The following ADAMTS16 variants were observed in gnomAD, a reference collection of about 807,000 sequenced individuals.
ADAMTS16 encodes the protein ADAM metallopeptidase with thrombospondin type 1 motif 16.
Under a neutral mutation model 145.8 loss-of-function variants are expected in ADAMTS16, and 94 were observed. That is an observed-to-expected ratio of 0.64 (90% CI 0.55 to 0.77). The LOEUF is 0.77. Ranked by LOEUF, ADAMTS16 falls within the 30% of genes least tolerant of loss-of-function variation. The pLI is 0.00. For missense variants in ADAMTS16, 1,585 were observed against 1,591.5 expected (o/e 1.00, Z 0.07); for synonymous variants, 659 against 604.3 (o/e 1.09, Z -1.33).
At chr5:5,157,297 T>C (rs1347410888) in intron 3 of ADAMTS16, among the ~76,000 whole-genome samples, 1 of 152,118 alleles carries the variant, frequency 6.6e-6, no homozygotes, top group Admixed American at 6.5e-5. Context: ...TGAATTTCTA[T>C]TTTTTCTTCA....
intron 13 of ADAMTS16, among the ~76,000 whole-genome samples, chr5:5,236,076 G>A (rs571771073): frequency 6.6e-6 from 1 of 152,238 alleles, no homozygotes; most frequent in South Asian, 2.1e-4. Context: ...TTGAAACCGT[G>A]GTTCAAAAAT....
At chr5:5,188,128 C>T (rs374900106) in intron 6 of ADAMTS16, among the ~76,000 whole-genome samples, 4 of 152,156 alleles carry the variant, frequency 2.6e-5, no homozygotes, top group African/African-American at 9.7e-5. Flanking sequence ...TCTTAGCCAT[C>T]GTGAGCTTTC....
chr5:5,186,301 G>GGTGTGTGTGTGTGTGTGT, intron 5 of ADAMTS16, 50 bp downstream of exon 5: 1 of 986,976 alleles, frequency 1.0e-6, no homozygotes, highest in African/African-American at 1.7e-5. Context: ...CACTTCGTAG[G>GGTGTGTGTGTGTGTGTGT]GTGTGTGTGT....
At chr5:5,180,759 T>C (rs1427392890) in intron 3 of ADAMTS16, among the ~76,000 whole-genome samples, 2 of 152,250 alleles carry the variant, frequency 1.3e-5, no homozygotes, top group African/African-American at 2.4e-5. Context: ...GATTTTGTTC[T>C]AATCCTTACA....
intron 11 of ADAMTS16, among the ~76,000 whole-genome samples, chr5:5,229,070 G>A (rs555289702): frequency 2.0e-5 from 3 of 151,536 alleles, no homozygotes; most frequent in Non-Finnish European, 2.9e-5. Context: ...AGGCCGAGGC[G>A]GGTGGATCAC....
chr5:5,145,248 T>C (rs1560921808), intron 2 of ADAMTS16, among the ~76,000 whole-genome samples: 1 of 152,232 alleles, frequency 6.6e-6, no homozygotes, highest in Non-Finnish European at 1.5e-5. Flanking sequence ...TTAAAATACA[T>C]ACATTTACAG....
In ADAMTS16 at chr5:5,140,724, C is replaced by T; in HGVS notation, c.133C>T (p.Pro45Ser). ...GCCTGGGAGCCCGAGCGTCCCGCGT[C>T]CTCCTCCACCCGCGGAGCGGCCGGG... ...AAPGSPSVPR[P>S]PPPAERPGWM... The change falls in exon 2 of 23, where the codon CCT becomes TCT. Residue 45 changes from proline (P) to serine (S), a missense_variant. Pro to Ser is a moderately conservative substitution (Grantham distance 74). Coordinates refer to ENST00000274181, the MANE Select transcript of ADAMTS16 (RefSeq NM_139056.4). 1 of 1,570,464 alleles carries T rather than the reference C, an allele frequency of 6.4e-7. No individual in the cohort carries two copies. Among genetic ancestry groups the T allele is most frequent in the Non-Finnish European group, 8.6e-7 (1 of 1,159,588 alleles).
chr5:5,302,835 T>A (rs908404480), intron 18 of ADAMTS16, among the ~76,000 whole-genome samples: 4 of 152,202 alleles, frequency 2.6e-5, no homozygotes, highest in Non-Finnish European at 5.9e-5. Context: ...AGATGCATAT[T>A]GAGATATTTT....
intron 16 of ADAMTS16, among the ~76,000 whole-genome samples, chr5:5,241,306 G>C (rs1737284499): frequency 6.6e-6 from 1 of 152,186 alleles, no homozygotes; most frequent in Admixed American, 6.5e-5. Flanking sequence ...GAGAGAAATG[G>C]TGGCTGGTCC....
Position 5,200,698 on chromosome 5 carries a change from TTTTC to T in ADAMTS16, c.1451+441_1451+444del, listed in dbSNP as rs1231863580. ...TTTTTTCTTTCTTTTCCTTCCTTCC[TTTTC>T]TTTCTTTCTTTTTCTTCCTTTCTCT... On this transcript the variant is annotated intron_variant, in intron 9 of 22. Transcript: ENST00000274181. Among the ~76,000 whole-genome samples, 8 of 152,268 alleles carry T rather than the reference TTTTC, an allele frequency of 5.3e-5. No individual in the cohort carries two copies. The East Asian group carries it at 1.4e-3, about 26-fold the overall frequency.
chr5:5,242,085 C>G lies in ADAMTS16; in HGVS notation c.2556C>G (p.Ala852=). The change falls in exon 17 of 23, where the codon GCC becomes GCG. Residue 852 remains alanine, a synonymous_variant. Coordinates refer to ENST00000274181, the MANE Select transcript of ADAMTS16 (RefSeq NM_139056.4). Reference sequence around the variant, plus strand: ...TTCAGGGAAGGAACCCGGGTGTTGCCTGGGAATACTCCATGCCTCGCTTGG... The same window carrying G: ...TTCAGGGAAGGAACCCGGGTGTTGCGTGGGAATACTCCATGCCTCGCTTGG... The part of the protein sequence containing the change: ...LLFQGRNPGV[A]WEYSMPRLGT... 6.2e-7 allele frequency: 1 copy of G among 1,614,140 alleles called. No individual in the cohort carries two copies. Among genetic ancestry groups the G allele is most frequent in the Non-Finnish European group, 8.5e-7 (1 of 1,180,024 alleles).
intron 18 of ADAMTS16, among the ~76,000 whole-genome samples, chr5:5,290,962 T>A: frequency 6.6e-6 from 1 of 152,178 alleles, no homozygotes; most frequent in Non-Finnish European, 1.5e-5. Context: ...TCGTTAGGTA[T>A]AAATAAATCC....
In ADAMTS16 at chr5:5,140,484, G is replaced by A. The variant is rs1177549642; in HGVS notation, c.17G>A (p.Arg6His). 1 of 1,515,730 alleles carries A rather than the reference G, an allele frequency of 6.6e-7. No homozygotes were observed. The highest frequency in any genetic ancestry group is 2.7e-5 in the East Asian group (1 of 37,572). The allele number at this position is 1,515,730 out of a possible 1,614,324, so 93.9% of individuals were successfully genotyped here. A position where few individuals can be genotyped will look rare whatever the true frequency, so the allele number is the denominator to read the frequency against. The part of the protein sequence containing the change: MKPRA[R>H]GWRGLAALWM... Reference sequence around the variant, plus strand: ...CGCTCCTGGATGAAGCCCCGCGCGCGCGGATGGCGGGGCTTGGCGGCGCTG... The same window carrying A: ...CGCTCCTGGATGAAGCCCCGCGCGCACGGATGGCGGGGCTTGGCGGCGCTG... The change falls in exon 1 of 23, where the codon CGC (arginine) becomes CAC (histidine). Residue 6 changes from arginine (R) to histidine (H), a missense_variant. Physicochemically the swap from Arg to His is conservative, Grantham distance 29. Coordinates refer to ENST00000274181, the MANE Select transcript of ADAMTS16 (RefSeq NM_139056.4).
chr5:5,237,718 G>A (rs1406409640), intron 14 of ADAMTS16, among the ~76,000 whole-genome samples: 1 of 152,090 alleles, frequency 6.6e-6, no homozygotes, highest in Non-Finnish European at 1.5e-5. Context: ...GGGCCACTTC[G>A]CAGCTCGGAC....
rs372647840 is a variant in ADAMTS16 at position 5,215,432 on chromosome 5, T to A, written c.1605+6186T>A. ...AGTGGTGATTTGTGAGATTTTGGTG[T>A]ACCCATCACCCAAGCAGTATACACT... On this transcript the variant is annotated intron_variant, in intron 10 of 22. Transcript: ENST00000274181. Among the ~76,000 whole-genome samples the A allele has an allele frequency of 3.9e-5, 6 of 152,180 alleles. No homozygotes were observed. In the South Asian group the frequency reaches 1.2e-3, roughly 32 times the overall value.
chr5:5,161,214 T>G (rs1301997890), intron 3 of ADAMTS16, among the ~76,000 whole-genome samples: 1 of 152,234 alleles, frequency 6.6e-6, no homozygotes, highest in Non-Finnish European at 1.5e-5. Context: ...CATTGTACAG[T>G]TTGCAGATTC....
intron 18 of ADAMTS16, among the ~76,000 whole-genome samples, chr5:5,273,315 C>T (rs11955871): frequency 0.011 from 1,712 of 152,294 alleles, 27 homozygotes; most frequent in African/African-American, 0.039. Flanking sequence ...CTCAGGAGTT[C>T]GAGACCAGCC....
intron 21 of ADAMTS16, among the ~76,000 whole-genome samples, chr5:5,315,295 T>C (rs1728355884): frequency 6.6e-6 from 1 of 152,210 alleles, no homozygotes; most frequent in African/African-American, 2.4e-5. Flanking sequence ...TATGGGATTA[T>C]GACACTTAGG....
chr5:5,297,752 C>T (rs1034965423), intron 18 of ADAMTS16, among the ~76,000 whole-genome samples: 2 of 152,230 alleles, frequency 1.3e-5, no homozygotes, highest in African/African-American at 4.8e-5. Context: ...GCCCACAGCG[C>T]TGCCTTTGTG....
Sources: allele counts gnomAD v4.1 joint callset (sites outside exome capture counted in the v4.1 genomes callset), GRCh38; gene constraint gnomAD v4.1.1; transcripts MANE v1.5; gene names NCBI Gene and HGNC (gene_info 2026-07-23, HGNC 2026-07-21).